The following PDZRN4 variants were observed in gnomAD, a reference collection of about 807,000 sequenced individuals.
The protein encoded by PDZRN4 is PDZ domain containing ring finger 4.
PDZRN4 carries 70 observed loss-of-function variants against 99.0 expected under a neutral mutation model. The observed-to-expected ratio is 0.71, with a 90% CI of 0.58 to 0.86. The LOEUF (loss-of-function observed/expected upper bound fraction) is 0.86, where lower values mean the gene tolerates loss of function less well. Among genes scored for constraint, PDZRN4 ranks in the 40% least tolerant of loss-of-function variants. The pLI is 0.00. For synonymous variants in PDZRN4, 551 were observed against 501.6 expected, an observed-to-expected ratio of 1.10 and a Z score of -1.32; for missense variants, 1,474 against 1,331.2, an observed-to-expected ratio of 1.11 and a Z score of -1.67.
intron 3 of PDZRN4, among the ~76,000 whole-genome samples, chr12:41,274,537 G>A (rs943107144): frequency 1.3e-5 from 2 of 152,088 alleles, no homozygotes; most frequent in Non-Finnish European, 2.9e-5. Flanking sequence ...TAGTACCATA[G>A]ATGCTCAGGG....
chr12:41,268,749 G>T (rs1951295743), intron 3 of PDZRN4, among the ~76,000 whole-genome samples: 1 of 152,038 alleles, frequency 6.6e-6, no homozygotes, highest in Admixed American at 6.6e-5. Context: ...CCATTTTTTA[G>T]CAATGTTAAT....
chr12:41,191,355 T>C, intron 1 of PDZRN4, 103 bp from the exon 2 acceptor site: 2 of 645,014 alleles, frequency 3.1e-6, no homozygotes, highest in South Asian at 1.8e-5. Context: ...AGTTTTCCTC[T>C]TTTCACATGT....
chr12:41,551,456 A>C (rs1939054875), intron 5 of PDZRN4, among the ~76,000 whole-genome samples: 2 of 151,922 alleles, frequency 1.3e-5, no homozygotes, highest in South Asian at 2.1e-4. Context: ...ACACACACAC[A>C]CCTCACCTCT....
At chr12:41,410,367 TAATTAC>T (rs1952387797) in intron 3 of PDZRN4, among the ~76,000 whole-genome samples, 3 of 152,256 alleles carry the variant, frequency 2.0e-5, no homozygotes, top group Admixed American at 2.0e-4. Context: ...ACACGTAAAA[TAATTAC>T]AACGGTAAAG....
chr12:41,353,879 G>T (rs1250703243), intron 3 of PDZRN4, among the ~76,000 whole-genome samples: 1 of 152,050 alleles, frequency 6.6e-6, no homozygotes, highest in Non-Finnish European at 1.5e-5. Flanking sequence ...GATTATGAGG[G>T]CTTTTCATAT....
chr12:41,259,755 GTTTAGTCTAGAGGGCTACTTTTAA>G (rs1951225165), intron 3 of PDZRN4, among the ~76,000 whole-genome samples: 1 of 152,170 alleles, frequency 6.6e-6, no homozygotes, highest in Non-Finnish European at 1.5e-5. Flanking sequence ...TCACAAATGA[GTTTAGTCTAGAGGGCTACTTTTAA>G]GCTAATCAGC....
chr12:41,563,747 C>G, intron 8 of PDZRN4, 98 bp downstream of exon 8: 2 of 813,408 alleles, frequency 2.5e-6, no homozygotes. Context: ...ATCTGCTATT[C>G]TCTATCAAAT....
chr12:41,478,688 G>A (rs1937628141), intron 3 of PDZRN4, among the ~76,000 whole-genome samples: 1 of 152,052 alleles, frequency 6.6e-6, no homozygotes. Context: ...ATGACAACAT[G>A]ACCTAATAAT....
intron 3 of PDZRN4, among the ~76,000 whole-genome samples, chr12:41,333,055 T>C (rs1170033009): frequency 6.6e-6 from 1 of 152,124 alleles, no homozygotes; most frequent in Non-Finnish European, 1.5e-5. Flanking sequence ...GTGATGGAGC[T>C]AGGATTCAAA....
At chr12:41,332,436 G>A (rs1951746019) in intron 3 of PDZRN4, among the ~76,000 whole-genome samples, 1 of 152,028 alleles carries the variant, frequency 6.6e-6, no homozygotes, top group Non-Finnish European at 1.5e-5. Context: ...TGGTCCCAAG[G>A]CAGAATGTTT....
Position 41,552,662 on chromosome 12 carries a change from G to A in PDZRN4, c.1210G>A (p.Glu404Lys), listed in dbSNP as rs145855549. ...GTGTGTGTTGTTCTTTCAGGAGGTCGAGTTGTGTCGTGTTAGCAGTCAAGA... is the reference window on the plus strand; with the variant it reads ...GTGTGTGTTGTTCTTTCAGGAGGTCAAGTTGTGTCGTGTTAGCAGTCAAGA... ...RTEDFEYEEV[E>K]LCRVSSQEKL... The change falls in exon 6 of 10, where the codon GAG becomes AAG. Residue 404 changes from glutamate (E) to lysine (K), a missense_variant. Glu to Lys is a moderately conservative substitution (Grantham distance 56). Transcript: ENST00000402685. The A allele has an allele frequency of 1.9e-3, 3,088 of 1,613,010 alleles. 118 individuals carry two copies. The Admixed American group carries it at 0.047, about 24-fold the overall frequency.
At chr12:41,462,129 A>G (rs1024336001) in intron 3 of PDZRN4, among the ~76,000 whole-genome samples, 7 of 152,188 alleles carry the variant, frequency 4.6e-5, no homozygotes, top group African/African-American at 1.7e-4. Context: ...AGATCTTTTC[A>G]AGATTAAACA....
At chr12:41,398,456 G>A (rs976603244) in intron 3 of PDZRN4, among the ~76,000 whole-genome samples, 5 of 151,812 alleles carry the variant, frequency 3.3e-5, no homozygotes, top group African/African-American at 1.2e-4. Flanking sequence ...GGAAGGAAAA[G>A]ACCTTGATCT....
chr12:41,410,581 C>G (rs1952390383), intron 3 of PDZRN4, among the ~76,000 whole-genome samples: 1 of 152,270 alleles, frequency 6.6e-6, no homozygotes, highest in Middle Eastern at 3.4e-3. Flanking sequence ...ATGGTGCAGT[C>G]TTTTCTTTAG....
chr12:41,502,758 A>T (rs1170783862), intron 3 of PDZRN4, among the ~76,000 whole-genome samples: 1 of 152,146 alleles, frequency 6.6e-6, no homozygotes, highest in Non-Finnish European at 1.5e-5. Context: ...ATTGAGACAA[A>T]GGAGTAAGAG....
At position 41,188,534 on chromosome 12, in the gene PDZRN4, G is replaced by C. The variant is rs752180193; in HGVS notation, c.79G>C (p.Glu27Gln). Residue 27 changes from glutamate (E) to glutamine (Q), a missense_variant, in exon 1 of 10, where the codon GAG (glutamate) becomes CAG (glutamine). By Grantham distance (29) the Glu-to-Gln change is conservative. Transcript: ENST00000402685. ...CAAACTGTGCGGCCAGGTGCTTGAA[G>C]AGCCCCTGTGCACGCCGTGCGGGCA... ...ECKLCGQVLE[E>Q]PLCTPCGHVF... is the part of the protein sequence containing the mutation. The C allele has an allele frequency of 6.6e-5, 104 of 1,578,386 alleles. No homozygotes were observed. The highest frequency in any genetic ancestry group is 1.7e-4 in the Admixed American group (10 of 57,590).
intron 3 of PDZRN4, among the ~76,000 whole-genome samples, chr12:41,277,361 C>T (rs11180595): frequency 0.055 from 8,356 of 152,164 alleles, 255 homozygotes; most frequent in Non-Finnish European, 0.061. Context: ...AACTACAAGG[C>T]CGTTGCTGAA....
intron 3 of PDZRN4, among the ~76,000 whole-genome samples, chr12:41,210,464 G>T (rs1040377694): frequency 6.6e-6 from 1 of 151,894 alleles, no homozygotes. Context: ...ATATCTTTTG[G>T]AAGGGAAGTG....
At chr12:41,264,297 A>G (rs1434769262) in intron 3 of PDZRN4, among the ~76,000 whole-genome samples, 1 of 152,238 alleles carries the variant, frequency 6.6e-6, no homozygotes, top group African/African-American at 2.4e-5. Flanking sequence ...AATTTACAAA[A>G]TTATGACATT....
Sources: allele counts gnomAD v4.1 joint callset (sites outside exome capture counted in the v4.1 genomes callset), GRCh38; gene constraint gnomAD v4.1.1; transcripts MANE v1.5; gene names NCBI Gene and HGNC (gene_info 2026-07-23, HGNC 2026-07-21).